Variants in LMNTD1 observed in about 807,000 individuals in gnomAD.
The protein encoded by LMNTD1 is lamin tail domain containing 1.
LMNTD1 carries 35 observed loss-of-function variants against 50.9 expected under a neutral mutation model. The observed-to-expected ratio is 0.69, with a 90% CI of 0.53 to 0.91. LMNTD1 has a LOEUF of 0.91. Ranked by LOEUF, LMNTD1 falls within the 40% of genes least tolerant of loss-of-function variation. The pLI is 0.00. For synonymous variants in LMNTD1, 153 were observed against 161.9 expected, an observed-to-expected ratio of 0.94 and a Z score of 0.42; for missense variants, 470 against 475.5, an observed-to-expected ratio of 0.99 and a Z score of 0.11.
chr12:25,596,420 C>T (rs1945846939), intron 1 of LMNTD1, among the ~76,000 whole-genome samples: 1 of 151,994 alleles, frequency 6.6e-6, no homozygotes. Flanking sequence ...GATGATTTAA[C>T]ATTTGCAAAT....
intron 1 of LMNTD1, among the ~76,000 whole-genome samples, chr12:25,619,250 C>CTATATATATATATATATATA (rs1185194793): frequency 1.3e-5 from 1 of 79,412 alleles, no homozygotes; most frequent in Non-Finnish European, 2.5e-5. Context: ...CTCTCTCTCT[C>CTATATATATATATATATATA]TCTATATATA....
intron 9 of LMNTD1, among the ~76,000 whole-genome samples, chr12:25,502,752 T>C (rs1162435852): frequency 6.6e-6 from 1 of 152,158 alleles, no homozygotes; most frequent in Non-Finnish European, 1.5e-5. Context: ...GCTATAGGAA[T>C]GGAGAGAGTG....
chr12:25,591,401 A>C (rs1248804020), intron 1 of LMNTD1, among the ~76,000 whole-genome samples: 1 of 152,186 alleles, frequency 6.6e-6, no homozygotes, highest in African/African-American at 2.4e-5. Context: ...GGTGGTGGCC[A>C]CAGGGTGAGG....
chr12:25,509,782 G>T (rs1940115720), intron 8 of LMNTD1, among the ~76,000 whole-genome samples: 1 of 152,186 alleles, frequency 6.6e-6, no homozygotes, highest in Admixed American at 6.5e-5. Context: ...AAGGCCATAT[G>T]AAGACAGAGG....
At chr12:25,572,818 CCCTT>C (rs1313848664) in intron 1 of LMNTD1, among the ~76,000 whole-genome samples, 2 of 149,592 alleles carry the variant, frequency 1.3e-5, no homozygotes, top group South Asian at 2.2e-4. Flanking sequence ...CTCCCTCCCT[CCCTT>C]CCTTCTGCCA....
chr12:25,554,086 C>T (rs571504046), upstream of LMNTD1, among the ~76,000 whole-genome samples: 54 of 152,280 alleles, frequency 3.5e-4, no homozygotes, highest in South Asian at 5.8e-3. Context: ...AGGAAGTAAA[C>T]GTTTGACCGT....
chr12:25,506,543 A>G (rs1025416087), intron 8 of LMNTD1, among the ~76,000 whole-genome samples: 2 of 152,066 alleles, frequency 1.3e-5, no homozygotes, highest in African/African-American at 4.8e-5. Flanking sequence ...ATTGTCGATA[A>G]TCTACAAGCT....
At chr12:25,627,991 C>T (rs538688413) in intron 1 of LMNTD1, among the ~76,000 whole-genome samples, 106 of 150,416 alleles carry the variant, frequency 7.0e-4, no homozygotes, top group African/African-American at 2.5e-3. Flanking sequence ...GCCTGTAGTC[C>T]CAGCTACACG....
intron 1 of LMNTD1, among the ~76,000 whole-genome samples, chr12:25,621,142 A>G (rs577946604): frequency 6.6e-6 from 1 of 152,356 alleles, no homozygotes; most frequent in South Asian, 2.1e-4. Flanking sequence ...AAGGGCCTAG[A>G]ACAGTGCCTG....
chr12:25,619,217 ACTCTCTCTCTCTCT>A (rs143233739), intron 1 of LMNTD1, among the ~76,000 whole-genome samples: 9,998 of 120,164 alleles, frequency 0.083, 517 homozygotes, highest in East Asian at 0.14. Flanking sequence ...ATGCTTTTCA[ACTCTCTCTCTCTCT>A]CTCTCTCTCT....
In LMNTD1 at chr12:25,541,285, A is replaced by G. The variant is rs947080179; in HGVS notation, c.491+5089T>C. On this transcript the variant is annotated intron_variant, in intron 4 of 9. Coordinates refer to ENST00000458174, the MANE Select transcript of LMNTD1 (RefSeq NM_001145728.2). ...CATCACCAATTCAATCCTAAGCCAA[A>G]AGAACAAAGCTGGAGGCATCACACT... Among the ~76,000 whole-genome samples, 3 of 115,708 alleles carry G rather than the reference A, an allele frequency of 2.6e-5. 1 individual carries two copies. Among genetic ancestry groups the G allele is most frequent in the Admixed American group, 2.0e-4 (2 of 10,046 alleles). The allele number at this position is 115,708 out of a possible 152,430, so 75.9% of individuals were successfully genotyped here. A position where few individuals can be genotyped will look rare whatever the true frequency, so the allele number is the denominator to read the frequency against.
At chr12:25,477,528 A>C (rs1938309089) in intron 9 of LMNTD1, among the ~76,000 whole-genome samples, 1 of 152,190 alleles carries the variant, frequency 6.6e-6, no homozygotes, top group Admixed American at 6.6e-5. Context: ...GTTAAGAGTA[A>C]GAGATCAGGG....
intron 9 of LMNTD1, among the ~76,000 whole-genome samples, chr12:25,482,433 A>G (rs1356456403): frequency 1.3e-5 from 2 of 152,002 alleles, no homozygotes; most frequent in African/African-American, 4.8e-5. Flanking sequence ...GAAGCCTTCG[A>G]TTTAACACAA....
chr12:25,502,967 G>A (rs1268138725), intron 9 of LMNTD1: 1 of 152,218 alleles, frequency 6.6e-6, no homozygotes, highest in African/African-American at 2.4e-5. Flanking sequence ...TACCAGGAGA[G>A]TCCAGAATAC....
intron 4 of LMNTD1, among the ~76,000 whole-genome samples, chr12:25,546,002 G>A (rs17422117): frequency 0.033 from 5,032 of 151,602 alleles, 110 homozygotes; most frequent in Middle Eastern, 0.065. Context: ...GATCAATGAA[G>A]TAAAAATTTA....
At chr12:25,526,669 G>C in intron 5 of LMNTD1, 100 bp downstream of exon 5, 1 of 768,926 alleles carries the variant, frequency 1.3e-6, no homozygotes, top group South Asian at 2.3e-5. Context: ...TACAGATCCA[G>C]ATAGAGTGAT....
intron 3 of LMNTD1, among the ~76,000 whole-genome samples, chr12:25,547,059 T>C (rs1045171602): frequency 6.6e-6 from 1 of 151,724 alleles, no homozygotes; most frequent in Non-Finnish European, 1.5e-5. Flanking sequence ...TAAAATACTT[T>C]ATTAGAAAGA....
intron 4 of LMNTD1, among the ~76,000 whole-genome samples, chr12:25,538,889 C>A (rs1422529500): frequency 5.2e-5 from 7 of 134,304 alleles, no homozygotes. Flanking sequence ...ATCTACCAAG[C>A]AAATGGAAAA....
intron 2 of LMNTD1, among the ~76,000 whole-genome samples, chr12:25,552,581 G>GGGAAA (rs1352627059): frequency 3.8e-4 from 22 of 58,154 alleles, no homozygotes; most frequent in African/African-American, 1.2e-3. Context: ...CACTCTGTCT[G>GGGAAA]AAAAAAAAAA....
Sources: gnomAD v4.1 joint callset for allele counts (sites outside exome capture counted in the v4.1 genomes callset) on GRCh38, gnomAD v4.1.1 for gene constraint, MANE v1.5 for transcripts, NCBI Gene and HGNC (gene_info 2026-07-23, HGNC 2026-07-21) for gene names.